The following LHFPL1 variants were observed in gnomAD, a reference collection of about 807,000 sequenced individuals.
LHFPL1 encodes the protein LHFPL tetraspan subfamily member 1, also known as LHFPL tetraspan subfamily member 1 protein.
In LHFPL1, 4 loss-of-function variants were observed where a neutral mutation model predicts 12.1. The ratio of observed to expected loss-of-function variants is 0.33; its 90% CI spans 0.16 to 0.76. LHFPL1 has a LOEUF of 0.76. Ranked by LOEUF, LHFPL1 falls within the 30% of genes least tolerant of loss-of-function variation. LHFPL1 has a pLI of 0.61. For synonymous variants in LHFPL1, 52 were observed against 61.9 expected, an observed-to-expected ratio of 0.84 and a Z score of 0.75; for missense variants, 141 against 174.1, an observed-to-expected ratio of 0.81 and a Z score of 1.07.
At chrX:112,648,296 A>G (rs767318786) in intron 3 of LHFPL1, among the ~76,000 whole-genome samples, 1 of 111,599 alleles carries the variant, frequency 9.0e-6, no homozygotes, top group African/African-American at 3.3e-5. Context: ...CACGTTCTGC[A>G]CATGTATCCC....
chrX:112,668,902 T>G (rs890308902), intron 2 of LHFPL1, among the ~76,000 whole-genome samples: 2 of 112,355 alleles, frequency 1.8e-5, no homozygotes, highest in Admixed American at 1.9e-4. Flanking sequence ...AGGCTGTTGC[T>G]AGGCTTTCTG....
chrX:112,669,734 G>T (rs1013348452), intron 2 of LHFPL1, among the ~76,000 whole-genome samples: 2 of 111,873 alleles, frequency 1.8e-5, no homozygotes, highest in Admixed American at 1.9e-4. Flanking sequence ...CATTGTAGAC[G>T]TTCATCACCA....
At chrX:112,631,863 T>C (rs1294803228) in intron 3 of LHFPL1, among the ~76,000 whole-genome samples, 1 of 111,445 alleles carries the variant, frequency 9.0e-6, no homozygotes, top group Non-Finnish European at 1.9e-5. Context: ...GGGGGTGGTA[T>C]GGGTGGCAAT....
intron 3 of LHFPL1, among the ~76,000 whole-genome samples, chrX:112,641,103 A>G (rs1212379095): frequency 6.3e-5 from 7 of 111,271 alleles, no homozygotes; most frequent in Non-Finnish European, 1.3e-4. Context: ...CATACCAGCA[A>G]TGCCAGCTTT....
In LHFPL1 at chrX:112,662,719, C is replaced by A. The variant is rs746619547; in HGVS notation, c.383-1994G>T. Among the ~76,000 whole-genome samples, 560 of 112,114 alleles carry A rather than the reference C, an allele frequency of 5.0e-3. 2 individuals are homozygous for A. Among genetic ancestry groups the A allele is most frequent in the African/African-American group, 0.017 (530 of 30,856 alleles). ...TGAAACTGGTCACTCAAAGACCTTT[C>A]TAGGCCCTGGAATTCATCCAGTGGC... On this transcript the variant is annotated intron_variant, in intron 2 of 3. Transcript: ENST00000371968.
intron 3 of LHFPL1, among the ~76,000 whole-genome samples, chrX:112,641,045 C>T (rs978069685): frequency 9.0e-6 from 1 of 111,502 alleles, no homozygotes; most frequent in Non-Finnish European, 1.9e-5. Flanking sequence ...TGATTTACCT[C>T]AGGACTCAGA....
At chrX:112,667,964 A>G (rs5974259) in intron 2 of LHFPL1, among the ~76,000 whole-genome samples, 5,242 of 110,379 alleles carry the variant, frequency 0.047, 322 homozygotes, top group African/African-American at 0.16. Flanking sequence ...CAGGCAGGGG[A>G]AGGGGGTAGT....
intron 2 of LHFPL1, among the ~76,000 whole-genome samples, chrX:112,668,794 A>G (rs935465346): frequency 1.8e-5 from 2 of 112,195 alleles, no homozygotes; most frequent in African/African-American, 3.2e-5. Context: ...AATGCATCAT[A>G]TGGAGAATTA....
rs1173654078 is a variant in LHFPL1, at chrX:112,676,049, G to A, written c.-15+3780C>T. 3.6e-5 allele frequency among the ~76,000 whole-genome samples: 4 copies of A among 111,798 alleles called. No homozygotes were observed. The East Asian group carries it at 1.1e-3, about 31-fold the overall frequency. The stretch of plus-strand genomic sequence containing the variant: ...CTTGTGGCTGGATAGAGAGGCTGCA[G>A]GGCACATGGAGTCTGTTCACACACT... On this transcript the variant is annotated intron_variant, in intron 1 of 3. Transcript: ENST00000371968.
chrX:112,639,292 A>G (rs1930434356), intron 3 of LHFPL1, among the ~76,000 whole-genome samples: 1 of 110,415 alleles, frequency 9.1e-6, no homozygotes, highest in Non-Finnish European at 1.9e-5. Flanking sequence ...TGAAGATTCC[A>G]GAAGCCTGCC....
chrX:112,661,392 A>G (rs1277196202), intron 2 of LHFPL1, among the ~76,000 whole-genome samples: 2 of 111,892 alleles, frequency 1.8e-5, no homozygotes, highest in African/African-American at 6.5e-5. Flanking sequence ...AACCAGAGAT[A>G]CAAATCTGGG....
chrX:112,633,215 C>T (rs1175587329), intron 3 of LHFPL1, among the ~76,000 whole-genome samples: 1 of 112,029 alleles, frequency 8.9e-6, no homozygotes, highest in East Asian at 2.8e-4. Flanking sequence ...ACTGTGGGTA[C>T]CATTTCAGTA....
At chrX:112,636,789 C>T (rs1173330891) in intron 3 of LHFPL1, among the ~76,000 whole-genome samples, 1 of 112,168 alleles carries the variant, frequency 8.9e-6, no homozygotes, top group Non-Finnish European at 1.9e-5. Context: ...ACATTAAGAC[C>T]AGATGCGTCC....
In LHFPL1 at chrX:112,671,083, A is replaced by T; in HGVS notation, c.308T>A (p.Val103Asp). The change falls in exon 2 of 4, where the codon GTC becomes GAC. Residue 103 changes from valine (V) to aspartate (D), a missense_variant. Val to Asp is a radical substitution (Grantham distance 152). Transcript: ENST00000371968. ...ALLLLVALAAVLGCCMEELIS... is the reference protein window; with the variant it reads ...ALLLLVALAADLGCCMEELIS... ...GAGCTCCTCCATGCAGCAACCCAGG[A>T]CAGCAGCTAGTGCCACCAGGAGCAG... The T allele has an allele frequency of 8.3e-7, 1 of 1,212,005 alleles. No individual in the cohort carries two copies. Among genetic ancestry groups the T allele is most frequent in the Non-Finnish European group, 1.1e-6 (1 of 895,457 alleles).
intron 3 of LHFPL1, among the ~76,000 whole-genome samples, chrX:112,652,021 G>T (rs765909131): frequency 8.9e-6 from 1 of 112,620 alleles, no homozygotes; most frequent in African/African-American, 3.2e-5. Context: ...ATGTGCTTTC[G>T]CACATTAGAG....
Position 112,635,057 on chromosome X carries a change from T to G in LHFPL1, c.482-3456A>C, listed in dbSNP as rs1286000861. On this transcript the variant is annotated intron_variant, in intron 3 of 3. Transcript: ENST00000371968. ...GTTACTTCACAGAAAACTTGCATGC[T>G]GATCTGATGGCCCACTGAGGAAATC... Among the ~76,000 whole-genome samples, 53 of 112,399 alleles carry G rather than the reference T, an allele frequency of 4.7e-4. 1 individual carries two copies. Among genetic ancestry groups the G allele is most frequent in the Non-Finnish European group, 5.1e-4 (27 of 53,259 alleles).
At chrX:112,668,484 C>T (rs1387981464) in intron 2 of LHFPL1, among the ~76,000 whole-genome samples, 1 of 112,797 alleles carries the variant, frequency 8.9e-6, no homozygotes, top group African/African-American at 3.2e-5. Flanking sequence ...ATAGCACACC[C>T]AGGGTCTTGA....
At chrX:112,636,005 C>T (rs756317889) in intron 3 of LHFPL1, among the ~76,000 whole-genome samples, 16 of 110,951 alleles carry the variant, frequency 1.4e-4, no homozygotes, top group African/African-American at 3.9e-4. Context: ...TCGACCTTGG[C>T]GCTATTGACA....
At position 112,671,106 on chromosome X, in the gene LHFPL1, C is replaced by A. The variant is rs1931483773; in HGVS notation, c.285G>T (p.Leu95=). The change falls in exon 2 of 4, where the codon CTG becomes CTT. Residue 95 remains leucine (L), a synonymous_variant. Coordinates refer to ENST00000371968, the MANE Select transcript of LHFPL1 (RefSeq NM_178175.4). ...GGACAGCAGCTAGTGCCACCAGGAG[C>A]AGCAGAGCACAGCCGGCACCTGTCA... ...TVVTGAGCAL[L]LLVALAAVLG... 1 of 1,210,528 alleles carries A rather than the reference C, an allele frequency of 8.3e-7. No homozygotes were observed. Among genetic ancestry groups the A allele is most frequent in the Admixed American group, 2.2e-5 (1 of 45,928 alleles).
Sources: allele counts gnomAD v4.1 joint callset (sites outside exome capture counted in the v4.1 genomes callset), GRCh38; gene constraint gnomAD v4.1.1; transcripts MANE v1.5; gene names NCBI Gene and HGNC (gene_info 2026-07-23, HGNC 2026-07-21).